Variants in BAALC observed in about 807,000 individuals in gnomAD.
BAALC encodes BAALC binder of MAP3K1 and KLF4, also known as brain and acute leukemia cytoplasmic protein.
A neutral mutation model predicts 15.5 loss-of-function variants in BAALC; 9 were observed. That is an observed-to-expected ratio of 0.58 (90% CI 0.35 to 1.02). The LOEUF (loss-of-function observed/expected upper bound fraction) is 1.02, where lower values mean the gene tolerates loss of function less well. Among genes scored for constraint, BAALC ranks in the 50% least tolerant of loss-of-function variants. BAALC has a pLI of 0.02. For synonymous variants in BAALC, 80 were observed against 74.6 expected (o/e 1.07, Z -0.37); for missense variants, 201 against 192.4 (o/e 1.04, Z -0.27).
chr8:103,159,069 T>C (rs1811164311), intron 1 of BAALC, among the ~76,000 whole-genome samples: 1 of 152,126 alleles, frequency 6.6e-6, no homozygotes, highest in Non-Finnish European at 1.5e-5. Flanking sequence ...AATTAATTAA[T>C]TGAAAAAAGT....
At chr8:103,152,381 C>T (rs924550957) in intron 1 of BAALC, among the ~76,000 whole-genome samples, 11 of 152,130 alleles carry the variant, frequency 7.2e-5, no homozygotes, top group African/African-American at 2.2e-4. Flanking sequence ...TCCCCACACC[C>T]GCCCCCTCTG....
intron 1 of BAALC, among the ~76,000 whole-genome samples, chr8:103,178,203 A>T (rs894140383): frequency 1.7e-4 from 26 of 152,238 alleles, no homozygotes; most frequent in African/African-American, 6.3e-4. Context: ...TAACTCATTG[A>T]TGAGGGTCAC....
In BAALC at chr8:103,152,543, C is replaced by T. The variant is rs148737555; in HGVS notation, c.160+11486C>T. Among the ~76,000 whole-genome samples, 205 of 152,322 alleles carry T rather than the reference C, an allele frequency of 1.3e-3. 1 individual carries two copies. Among genetic ancestry groups the T allele is most frequent in the African/African-American group, 4.6e-3 (190 of 41,570 alleles). On this transcript the variant is annotated intron_variant, in intron 1 of 2. Coordinates refer to ENST00000309982, the MANE Select transcript of BAALC (RefSeq NM_024812.3). ...TTTACTGTTTATTTCTTGACTCTCTCGCTTCAAGAGGTCAAGGATCTGATG... is the reference window on the plus strand; with the variant it reads ...TTTACTGTTTATTTCTTGACTCTCTTGCTTCAAGAGGTCAAGGATCTGATG...
chr8:103,184,760 A>G (rs1180140511), intron 1 of BAALC, among the ~76,000 whole-genome samples: 1 of 152,242 alleles, frequency 6.6e-6, no homozygotes, highest in Non-Finnish European at 1.5e-5. Context: ...AAAATAGATG[A>G]GCGTGGCAAC....
intron 1 of BAALC, among the ~76,000 whole-genome samples, chr8:103,209,143 G>A (rs1291784608): frequency 1.3e-5 from 2 of 152,104 alleles, no homozygotes; most frequent in Non-Finnish European, 2.9e-5. Flanking sequence ...AGGCCAAGGC[G>A]GGTGGATCAC....
intron 1 of BAALC, among the ~76,000 whole-genome samples, chr8:103,178,317 G>A (rs62527646): frequency 0.074 from 11,313 of 152,236 alleles, 576 homozygotes; most frequent in Non-Finnish European, 0.12. Context: ...TATCTTGGTT[G>A]CAGTGGTGGA....
intron 1 of BAALC, among the ~76,000 whole-genome samples, chr8:103,207,667 G>A (rs1318587977): frequency 1.3e-5 from 2 of 152,168 alleles, no homozygotes; most frequent in African/African-American, 4.8e-5. Context: ...GGAGGGGGCA[G>A]GTGGGAGGCG....
At chr8:103,155,752 A>T (rs184845190) in intron 1 of BAALC, among the ~76,000 whole-genome samples, 69 of 152,304 alleles carry the variant, frequency 4.5e-4, no homozygotes, top group African/African-American at 1.6e-3. Context: ...GTCCCACCCC[A>T]GGCACTTCTG....
intron 1 of BAALC, among the ~76,000 whole-genome samples, chr8:103,188,843 C>G (rs1306970952): frequency 6.6e-6 from 1 of 152,176 alleles, no homozygotes; most frequent in Non-Finnish European, 1.5e-5. Context: ...TAGATTTTCT[C>G]TAATTGCTTG....
At chr8:103,152,329 C>T (rs954040149) in intron 1 of BAALC, among the ~76,000 whole-genome samples, 1 of 152,042 alleles carries the variant, frequency 6.6e-6, no homozygotes, top group Non-Finnish European at 1.5e-5. Context: ...ACATGGAGCC[C>T]CTTCCTGTCA....
At chr8:103,158,492 T>C (rs1365787728) in intron 1 of BAALC, among the ~76,000 whole-genome samples, 4 of 152,160 alleles carry the variant, frequency 2.6e-5, no homozygotes, top group African/African-American at 9.7e-5. Flanking sequence ...GGGCTTTTCT[T>C]TGGCATATCA....
At chr8:103,227,924 T>G (rs1812841989) in intron 2 of BAALC, 65 bp from the exon 3 acceptor site, 1 of 1,130,774 alleles carries the variant, frequency 8.8e-7, no homozygotes. Flanking sequence ...GATTGAGACT[T>G]GCCTCGGTCA....
chr8:103,183,858 C>T (rs964681246), intron 1 of BAALC, among the ~76,000 whole-genome samples: 13 of 152,214 alleles, frequency 8.5e-5, no homozygotes, highest in Non-Finnish European at 1.6e-4. Flanking sequence ...ATGGGAAACT[C>T]CCATGATGTG....
chr8:103,147,624 G>T (rs1810904126), intron 1 of BAALC, among the ~76,000 whole-genome samples: 1 of 152,114 alleles, frequency 6.6e-6, no homozygotes, highest in South Asian at 2.1e-4. Context: ...GTGCACCTGT[G>T]ATCCATAGCA....
intron 1 of BAALC, among the ~76,000 whole-genome samples, chr8:103,151,899 G>A (rs1810995114): frequency 6.6e-6 from 1 of 151,994 alleles, no homozygotes; most frequent in Non-Finnish European, 1.5e-5. Flanking sequence ...AATTCTAAGT[G>A]CACTGACAAG....
rs1267276408 is a variant in BAALC, at chr8:103,212,906, T to C, written c.161-13T>C. Reference sequence around the variant, plus strand: ...GCAAGCTTCTGGTTCCATCCTCTGCTTACCTCCCCCAGGCATGCTGGAAGA... The same window carrying C: ...GCAAGCTTCTGGTTCCATCCTCTGCCTACCTCCCCCAGGCATGCTGGAAGA... On this transcript the variant is annotated splice_polypyrimidine_tract_variant and intron_variant, in intron 1 of 2. Coordinates refer to ENST00000309982, the MANE Select transcript of BAALC (RefSeq NM_024812.3). The C allele has an allele frequency of 1.2e-6, 2 of 1,608,556 alleles. No homozygotes were observed. The highest frequency in any genetic ancestry group is 1.7e-6 in the Non-Finnish European group (2 of 1,176,312).
chr8:103,155,648 G>A (rs1047676405), intron 1 of BAALC, among the ~76,000 whole-genome samples: 1 of 152,174 alleles, frequency 6.6e-6, no homozygotes, highest in East Asian at 1.9e-4. Flanking sequence ...TGGTGCTGCC[G>A]TCCCATAGGA....
chr8:103,192,816 T>C (rs1446258327), intron 1 of BAALC, among the ~76,000 whole-genome samples: 4 of 152,182 alleles, frequency 2.6e-5, no homozygotes, highest in African/African-American at 4.8e-5. Context: ...CTTAGCGAGA[T>C]ACATATGGCC....
intron 1 of BAALC, among the ~76,000 whole-genome samples, chr8:103,172,434 T>A (rs933044881): frequency 1.3e-5 from 2 of 149,866 alleles, no homozygotes; most frequent in African/African-American, 2.5e-5. Flanking sequence ...TCTCGCTCTA[T>A]TGCCCAGGCT....
Sources: allele counts gnomAD v4.1 joint callset (sites outside exome capture counted in the v4.1 genomes callset), GRCh38; gene constraint gnomAD v4.1.1; transcripts MANE v1.5; gene names NCBI Gene and HGNC (gene_info 2026-07-23, HGNC 2026-07-21).